PPP1R27: variants seen among roughly 807,000 people sequenced by gnomAD.
PPP1R27 encodes the protein protein phosphatase 1 regulatory subunit 27.
Under a neutral mutation model 12.0 loss-of-function variants are expected in PPP1R27, and 10 were observed. The ratio of observed to expected loss-of-function variants is 0.84; its 90% CI spans 0.52 to 1.42. PPP1R27 has a LOEUF of 1.42. Among genes scored for constraint, PPP1R27 ranks in the 40% most tolerant of loss-of-function variants. The pLI is 0.00. For synonymous variants in PPP1R27, 98 were observed against 89.3 expected (o/e 1.10, Z -0.55); for missense variants, 246 against 215.3 (o/e 1.14, Z -0.89).
chr17:81,834,135 C>G, intron 2 of PPP1R27: 1 of 465,104 alleles, frequency 2.2e-6, no homozygotes, highest in Non-Finnish European at 3.8e-6. Flanking sequence ...CAGAATTTCG[C>G]TCTTATCACC....
chr17:81,835,020 C>G lies in PPP1R27; in HGVS notation c.-67G>C. The stretch of plus-strand genomic sequence containing the variant: ...CACTGGGGTTAATAATGTATCCGGT[C>G]CCGACCAGATCAGCTTGAGGGCTCC... On this transcript the variant is annotated 5_prime_UTR_variant, in exon 1 of 3. Coordinates refer to ENST00000330261, the MANE Select transcript of PPP1R27 (RefSeq NM_001007533.4). The G allele has an allele frequency of 1.4e-6, 2 of 1,441,870 alleles. No individual in the cohort carries two copies. Among genetic ancestry groups the G allele is most frequent in the Non-Finnish European group, 1.8e-6 (2 of 1,092,498 alleles). 89.3% of individuals were successfully genotyped at this position (1,441,870 alleles called of 1,614,324 possible).
At position 81,834,798 on chromosome 17, in the gene PPP1R27, A is replaced by T; in HGVS notation, c.156T>A (p.Thr52=). ...GGATGGTGGCCAGGGAGACTTTCCGAGTCCGGATGAAGCGCCCCACCTGCT... is the reference window on the plus strand; with the variant it reads ...GGATGGTGGCCAGGGAGACTTTCCGTGTCCGGATGAAGCGCCCCACCTGCT... The part of the protein sequence containing the change: ...DLEQVGRFIR[T]RKVSLATIHP... Residue 52 remains threonine, a synonymous_variant, in exon 1 of 3, where the codon ACT becomes ACA. Transcript: ENST00000330261. 1 of 1,613,222 alleles carries T rather than the reference A, an allele frequency of 6.2e-7. No homozygotes were observed. Among genetic ancestry groups the T allele is most frequent in the Non-Finnish European group, 8.5e-7 (1 of 1,179,606 alleles).
At chr17:81,834,170 C>G (rs2143282464) in intron 2 of PPP1R27, 1 of 464,550 alleles carries the variant, frequency 2.2e-6, no homozygotes, top group Non-Finnish European at 3.8e-6. Flanking sequence ...ATGGCATGAT[C>G]TCGACTCACG....
chr17:81,835,031 C>G lies in PPP1R27; in HGVS notation c.-78G>C. 7.2e-7 allele frequency: 1 copy of G among 1,391,128 alleles called. No homozygotes were observed. Among genetic ancestry groups the G allele is most frequent in the Non-Finnish European group, 9.5e-7 (1 of 1,052,872 alleles). The allele number at this position is 1,391,128 out of a possible 1,614,324, so 86.2% of individuals were successfully genotyped here. On this transcript the variant is annotated 5_prime_UTR_variant, in exon 1 of 3. Transcript: ENST00000330261. The stretch of plus-strand genomic sequence containing the variant: ...ATAATGTATCCGGTCCCGACCAGAT[C>G]AGCTTGAGGGCTCCTGTCGGACGAG...
In PPP1R27 at chr17:81,834,944, T is replaced by G; in HGVS notation, c.10A>C (p.Arg4=). 1 of 1,604,146 alleles carries G rather than the reference T, an allele frequency of 6.2e-7. No homozygotes were observed. The change falls in exon 1 of 3, where the codon AGA becomes CGA. Residue 4 remains arginine, a synonymous_variant. Coordinates refer to ENST00000330261, the MANE Select transcript of PPP1R27 (RefSeq NM_001007533.4). ...CTGTAGCGGGCATAGCGGGCAGTTC[T>G]GCTAGGCATCTTGGGCGCTGTGGGG... MPS[R]TARYARYSPR... is the part of the protein sequence containing the mutation.
rs761177679 is a variant in PPP1R27, at chr17:81,834,581, G to T, written c.263C>A (p.Ala88Asp). 1.2e-6 allele frequency: 2 copies of T among 1,614,204 alleles called. No individual in the cohort carries two copies. Among genetic ancestry groups the T allele is most frequent in the East Asian group, 4.5e-5 (2 of 44,888 alleles). Residue 88 changes from alanine to aspartate, a missense_variant, in exon 2 of 3, where the codon GCT becomes GAT. Physicochemically the swap from Ala to Asp is moderately radical, Grantham distance 126. Transcript: ENST00000330261. Reference protein sequence around the residue: ...ECVKLLVKYGADIHQRDEAGW... With the variant: ...ECVKLLVKYGDDIHQRDEAGW... Reference sequence around the variant, plus strand: ...CGCCTCATCTCGCTGGTGAATGTCAGCCCCGTATTTGACCAGCAGCTTCAC... The same window carrying T: ...CGCCTCATCTCGCTGGTGAATGTCATCCCCGTATTTGACCAGCAGCTTCAC...
Position 81,835,025 on chromosome 17 carries a change from C to A in PPP1R27, c.-72G>T, listed in dbSNP as rs952597640. The A allele has an allele frequency of 2.1e-6, 3 of 1,424,388 alleles. No homozygotes were observed. Among genetic ancestry groups the A allele is most frequent in the Admixed American group, 2.6e-5 (1 of 38,248 alleles). The allele number at this position is 1,424,388 out of a possible 1,614,324, so 88.2% of individuals were successfully genotyped here. The stretch of plus-strand genomic sequence containing the variant: ...GGGTTAATAATGTATCCGGTCCCGA[C>A]CAGATCAGCTTGAGGGCTCCTGTCG... On this transcript the variant is annotated 5_prime_UTR_variant, in exon 1 of 3. Coordinates refer to ENST00000330261, the MANE Select transcript of PPP1R27 (RefSeq NM_001007533.4).
rs1344533143 is a variant in PPP1R27 at position 81,833,772 on chromosome 17, T to C, written c.422A>G (p.Tyr141Cys). The C allele has an allele frequency of 6.4e-7, 1 of 1,555,302 alleles. No individual in the cohort carries two copies. Among genetic ancestry groups the C allele is most frequent in the East Asian group, 2.4e-5 (1 of 41,340 alleles). The change falls in exon 3 of 3, where the codon TAC becomes TGC. Residue 141 changes from tyrosine (Y) to cysteine (C), a missense_variant. Transcript: ENST00000330261. Reference sequence around the variant, plus strand: ...TTTGAAGAGCTCCACCAGCTCCTTGTAGTCCGGGTCGATGAGGTCGGAGGG... The same window carrying C: ...TTTGAAGAGCTCCACCAGCTCCTTGCAGTCCGGGTCGATGAGGTCGGAGGG... Reference protein sequence around the residue: ...DLPSDLIDPDYKELVELFKGT... With the variant: ...DLPSDLIDPDCKELVELFKGT...
At chr17:81,834,693 G>C in intron 1 of PPP1R27, 40 bp from the exon 2 acceptor site, 1 of 1,612,286 alleles carries the variant, frequency 6.2e-7, no homozygotes, top group Non-Finnish European at 8.5e-7. Context: ...CTGAGCCCCA[G>C]GTCAGGTCCT....
At position 81,834,488 on chromosome 17, in the gene PPP1R27, C is replaced by G. The variant is rs763172074; in HGVS notation, c.341+15G>C. ...GGGTCGGGTTCAAGCCTGTGTAGACCCAGGGCCCCCTCACCTGGCTATGTC... is the reference window on the plus strand; with the variant it reads ...GGGTCGGGTTCAAGCCTGTGTAGACGCAGGGCCCCCTCACCTGGCTATGTC... On this transcript the variant is annotated intron_variant, in intron 2 of 2. Coordinates refer to ENST00000330261, the MANE Select transcript of PPP1R27 (RefSeq NM_001007533.4). 1 of 1,613,368 alleles carries G rather than the reference C, an allele frequency of 6.2e-7. No individual in the cohort carries two copies. The highest frequency in any genetic ancestry group is 8.5e-7 in the Non-Finnish European group (1 of 1,179,876).
At chr17:81,834,337 G>A in intron 2 of PPP1R27, 166 bp downstream of exon 2, 1 of 698,550 alleles carries the variant, frequency 1.4e-6, no homozygotes, top group Non-Finnish European at 2.3e-6. Flanking sequence ...GCCCACCTCG[G>A]CCTCCCAAAG....
rs746553122 is a variant in PPP1R27, at chr17:81,834,896, T to G, written c.58A>C (p.Met20Leu). ...RYSPRQRRRR[M>L]LADRSVRFPN... is the part of the protein sequence containing the mutation. Reference sequence around the variant, plus strand: ...AAACGCACGCTGCGATCAGCCAGCATCCGCCGCCGCCGCTGCCGTGGGCTG... The same window carrying G: ...AAACGCACGCTGCGATCAGCCAGCAGCCGCCGCCGCCGCTGCCGTGGGCTG... Residue 20 changes from methionine to leucine, a missense_variant, in exon 1 of 3, where the codon ATG becomes CTG. By Grantham distance (15) the Met-to-Leu change is conservative (BLOSUM62 2). Transcript: ENST00000330261. 1.9e-6 allele frequency: 3 copies of G among 1,611,958 alleles called. No homozygotes were observed. Among genetic ancestry groups the G allele is most frequent in the Middle Eastern group, 1.7e-4 (1 of 6,056 alleles).
rs1332452352 is a variant in PPP1R27, at chr17:81,835,004, T to C, written c.-51A>G. On this transcript the variant is annotated 5_prime_UTR_variant, in exon 1 of 3. Transcript: ENST00000330261. ...CCTGGGGACCCTACTGCACTGGGGT[T>C]AATAATGTATCCGGTCCCGACCAGA... The C allele has an allele frequency of 3.4e-6, 5 of 1,491,640 alleles. No homozygotes were observed. Among genetic ancestry groups the C allele is most frequent in the Non-Finnish European group, 4.5e-6 (5 of 1,120,824 alleles). 92.4% of individuals were successfully genotyped at this position (1,491,640 alleles called of 1,614,324 possible). A position where few individuals can be genotyped will look rare whatever the true frequency, so the allele number is the denominator to read the frequency against.
Position 81,834,977 on chromosome 17 carries a change from C to A in PPP1R27, c.-24G>T, listed in dbSNP as rs2038596901. The A allele has an allele frequency of 6.4e-7, 1 of 1,564,822 alleles. No homozygotes were observed. Among genetic ancestry groups the A allele is most frequent in the Non-Finnish European group, 8.6e-7 (1 of 1,157,872 alleles). ...ATCTTGGGCGCTGTGGGGCAGGTTG[C>A]CCCTGGGGACCCTACTGCACTGGGG... On this transcript the variant is annotated 5_prime_UTR_variant, in exon 1 of 3. Transcript: ENST00000330261.
At chr17:81,833,961 T>G (rs536581676) in intron 2 of PPP1R27, 109 bp from the exon 3 acceptor site, 1 of 1,338,658 alleles carries the variant, frequency 7.5e-7, no homozygotes, top group South Asian at 1.4e-5. Flanking sequence ...GTCCCCCACC[T>G]TGGGGTCCTA....
rs2038592639 is a variant in PPP1R27 at position 81,834,789 on chromosome 17, G to T, written c.165C>A (p.Val55=). The T allele has an allele frequency of 6.2e-7, 1 of 1,612,872 alleles. No individual in the cohort carries two copies. The change falls in exon 1 of 3, where the codon GTC becomes GTA. Residue 55 remains valine (V), a synonymous_variant. Transcript: ENST00000330261. ...QVGRFIRTRK[V]SLATIHPSGL... ...CTGAGGGGTGGATGGTGGCCAGGGAGACTTTCCGAGTCCGGATGAAGCGCC... is the reference window on the plus strand; with the variant it reads ...CTGAGGGGTGGATGGTGGCCAGGGATACTTTCCGAGTCCGGATGAAGCGCC...
In PPP1R27 at chr17:81,834,560, T is replaced by C; in HGVS notation, c.284A>G (p.Glu95Gly). ...AATGTGCAGGGGTGTCCAGCCCGCC[T>C]CATCTCGCTGGTGAATGTCAGCCCC... ...KYGADIHQRD[E>G]AGWTPLHIAC... The change falls in exon 2 of 3, where the codon GAG becomes GGG. Residue 95 changes from glutamate to glycine, a missense_variant. Physicochemically the swap from Glu to Gly is moderately conservative, Grantham distance 98. Transcript: ENST00000330261. 1.2e-6 allele frequency: 2 copies of C among 1,614,208 alleles called. No homozygotes were observed. Among genetic ancestry groups the C allele is most frequent in the South Asian group, 1.1e-5 (1 of 91,092 alleles).
Position 81,834,751 on chromosome 17 carries a change from A to G in PPP1R27, c.190+13T>C, listed in dbSNP as rs2038591996. On this transcript the variant is annotated intron_variant, in intron 1 of 2. Transcript: ENST00000330261. The stretch of plus-strand genomic sequence containing the variant: ...CCCACAGGCCCTGGCCAGCTCTTCC[A>G]GGCTTTGCTCACCTGAGGGGTGGAT... The G allele has an allele frequency of 1.9e-6, 3 of 1,610,248 alleles. No homozygotes were observed. The highest frequency in any genetic ancestry group is 2.5e-6 in the Non-Finnish European group (3 of 1,177,480).
chr17:81,833,662 C>T lies in PPP1R27; in HGVS notation c.*67G>A, dbSNP rs576803031. The T allele has an allele frequency of 9.8e-4, 1,479 of 1,513,964 alleles. No homozygotes were observed. Among genetic ancestry groups the T allele is most frequent in the Non-Finnish European group, 1.2e-3 (1,354 of 1,132,044 alleles). 93.8% of individuals were successfully genotyped at this position (1,513,964 alleles called of 1,614,324 possible). ...GCCCACGGGTGGGGCACGTGCTGGC[C>T]CATGGGCGACGCGCGGCTTCTCCAG... On this transcript the variant is annotated 3_prime_UTR_variant, in exon 3 of 3. Coordinates refer to ENST00000330261, the MANE Select transcript of PPP1R27 (RefSeq NM_001007533.4).
Sources: gnomAD v4.1 joint callset for allele counts on GRCh38, gnomAD v4.1.1 for gene constraint, MANE v1.5 for transcripts, NCBI Gene and HGNC (gene_info 2026-07-23, HGNC 2026-07-21) for gene names.